Variants in CAPN3 observed in about 807,000 individuals in gnomAD.
CAPN3 encodes calpain-3.
In CAPN3, 88 loss-of-function variants were observed where a neutral mutation model predicts 114.0. That is an observed-to-expected ratio of 0.77 (90% CI 0.65 to 0.92). CAPN3 has a LOEUF of 0.92. Ranked by LOEUF, CAPN3 falls within the 40% of genes least tolerant of loss-of-function variation. The pLI is 0.00. For missense variants in CAPN3, 1,028 were observed against 1,069.0 expected, an observed-to-expected ratio of 0.96 and a Z score of 0.53; for synonymous variants, 386 against 382.9, an observed-to-expected ratio of 1.01 and a Z score of -0.09.
chr15:42,400,708 A>G (rs368720607), intron 10 of CAPN3, among the ~76,000 whole-genome samples: 1 of 151,870 alleles, frequency 6.6e-6, no homozygotes. Flanking sequence ...CACACAAGAG[A>G]AAAATATCAG....
At chr15:42,379,048 G>A (rs954915261) in intron 1 of CAPN3, among the ~76,000 whole-genome samples, 40 of 152,060 alleles carry the variant, frequency 2.6e-4, no homozygotes, top group African/African-American at 8.9e-4. Context: ...ACGCAGTGGC[G>A]CACCCCTATA....
At position 42,399,485 on chromosome 15, in the gene CAPN3, C is replaced by A. The variant is rs756139485; in HGVS notation, c.1194-7C>A. The A allele has an allele frequency of 8.7e-6, 14 of 1,612,426 alleles. 1 individual carries two copies. In the South Asian group the frequency reaches 1.4e-4, roughly 16 times the overall value. ...ATATGGCTCTCTCTCTTCTTCCAACCTCTCAGGATGTCCTATGAGGATTTC... is the reference window on the plus strand; with the variant it reads ...ATATGGCTCTCTCTCTTCTTCCAACATCTCAGGATGTCCTATGAGGATTTC... On this transcript the variant is annotated splice_polypyrimidine_tract_variant and splice_region_variant and intron_variant, in intron 9 of 23. Coordinates refer to ENST00000397163, the MANE Select transcript of CAPN3 (RefSeq NM_000070.3).
At chr15:42,401,486 C>CT (rs2053866010) in intron 10 of CAPN3, among the ~76,000 whole-genome samples, 155 bp from the exon 11 acceptor site, 1 of 115,768 alleles carries the variant, frequency 8.6e-6, no homozygotes, top group African/African-American at 4.0e-5. Flanking sequence ...CCCCCCCCCC[C>CT]CAAATCATTA....
intron 1 of CAPN3, among the ~76,000 whole-genome samples, chr15:42,377,744 A>G (rs1179306437): frequency 6.6e-6 from 1 of 152,170 alleles, no homozygotes; most frequent in Non-Finnish European, 1.5e-5. Flanking sequence ...GAAAATTCAT[A>G]TTATTTCTTC....
Position 42,409,349 on chromosome 15 carries a change from T to C in CAPN3, c.1961T>C (p.Phe654Ser). Residue 654 changes from phenylalanine to serine, a missense_variant, in exon 17 of 24, where the codon TTC becomes TCC. Physicochemically the swap from Phe to Ser is radical, Grantham distance 155 (BLOSUM62 -2). Coordinates refer to ENST00000397163, the MANE Select transcript of CAPN3 (RefSeq NM_000070.3). The part of the protein sequence containing the change: ...SDQESEEQQQ[F>S]RNIFKQIAGD... Reference sequence around the variant, plus strand: ...CAGGAAAGTGAGGAACAGCAACAATTCCGGAACATTTTCAAGCAGATAGCA... The same window carrying C: ...CAGGAAAGTGAGGAACAGCAACAATCCCGGAACATTTTCAAGCAGATAGCA... The C allele has an allele frequency of 6.2e-7, 1 of 1,614,048 alleles. No homozygotes were observed. The highest frequency in any genetic ancestry group is 8.5e-7 in the Non-Finnish European group (1 of 1,180,000).
rs776482274 is a variant in CAPN3 at position 42,410,676 on chromosome 15, A to G, written c.2263+10A>G. 6 of 1,611,358 alleles carry G rather than the reference A, an allele frequency of 3.7e-6. No individual in the cohort carries two copies. Among genetic ancestry groups the G allele is most frequent in the Non-Finnish European group, 4.2e-6 (5 of 1,177,970 alleles). The stretch of plus-strand genomic sequence containing the variant: ...GCAGTCAACGACGCAGGTGCTGAGA[A>G]GGAAGGGGTGGCAGGGATGTGGACC... On this transcript the variant is annotated intron_variant, in intron 21 of 23. Coordinates refer to ENST00000397163, the MANE Select transcript of CAPN3 (RefSeq NM_000070.3).
intron 5 of CAPN3, 151 bp downstream of exon 5, chr15:42,389,247 A>G: frequency 1.4e-6 from 1 of 724,952 alleles, no homozygotes; most frequent in Non-Finnish European, 2.3e-6. Flanking sequence ...AGGACTGGGA[A>G]TTTCTCAAGG....
chr15:42,403,648 C>G (rs1274465087), intron 13 of CAPN3, 93 bp from the exon 14 acceptor site: 1 of 1,209,702 alleles, frequency 8.3e-7, no homozygotes. Flanking sequence ...TCTGGCTTGG[C>G]TGCCAGGAAG....
chr15:42,371,204 G>C (rs1257540392), intron 1 of CAPN3, among the ~76,000 whole-genome samples: 2 of 148,680 alleles, frequency 1.3e-5, no homozygotes, highest in South Asian at 2.1e-4. Context: ...CACGGGGGTA[G>C]GGGGGATGGG....
chr15:42,407,872 T>G (rs1051165396), intron 15 of CAPN3, among the ~76,000 whole-genome samples: 5 of 152,178 alleles, frequency 3.3e-5, no homozygotes, highest in Middle Eastern at 3.4e-3. Flanking sequence ...TGCAGGAAAT[T>G]TAATTTGAAC....
Position 42,360,014 on chromosome 15 carries a change from A to G in CAPN3, c.209A>G (p.Glu70Gly), listed in dbSNP as rs2052597542. 3 of 1,614,234 alleles carry G rather than the reference A, an allele frequency of 1.9e-6. No homozygotes were observed. Among genetic ancestry groups the G allele is most frequent in the Non-Finnish European group, 2.5e-6 (3 of 1,180,034 alleles). ...GAGCAACTTCACAAGAAATGTCTAG[A>G]AAAGAAAGTTCTTTATGTGGACCCT... is the stretch of plus-strand genomic sequence containing the variant. ...TFEQLHKKCL[E>G]KKVLYVDPEF... The change falls in exon 1 of 24, where the codon GAA becomes GGA. Residue 70 changes from glutamate to glycine, a missense_variant. Glu to Gly is a moderately conservative substitution (Grantham distance 98). Coordinates refer to ENST00000397163, the MANE Select transcript of CAPN3 (RefSeq NM_000070.3).
At chr15:42,388,374 G>A (rs1325571188) in intron 4 of CAPN3, among the ~76,000 whole-genome samples, 4 of 152,116 alleles carry the variant, frequency 2.6e-5, no homozygotes, top group Admixed American at 2.0e-4. Context: ...GTGCAGTCAC[G>A]GCTCACTGCA....
chr15:42,406,764 G>A (rs561848509), intron 15 of CAPN3, among the ~76,000 whole-genome samples: 1 of 152,208 alleles, frequency 6.6e-6, no homozygotes, highest in South Asian at 2.1e-4. Flanking sequence ...GCCTGGCAGG[G>A]ATGCTCCATG....
At chr15:42,382,596 T>G (rs370811444) in intron 1 of CAPN3, among the ~76,000 whole-genome samples, 2 of 152,220 alleles carry the variant, frequency 1.3e-5, no homozygotes, top group South Asian at 2.1e-4. Context: ...CTCGAACTCC[T>G]GGCCTCAAAT....
At chr15:42,371,768 A>C (rs2052954224) in intron 1 of CAPN3, among the ~76,000 whole-genome samples, 1 of 152,142 alleles carries the variant, frequency 6.6e-6, no homozygotes, top group African/African-American at 2.4e-5. Context: ...GTTCGAGACC[A>C]GCCCGGCCAA....
At chr15:42,404,839 A>C in intron 14 of CAPN3, 1 of 1,073,612 alleles carries the variant, frequency 9.3e-7, no homozygotes, top group Non-Finnish European at 1.1e-6. Context: ...ACCACAGGCG[A>C]TTGGTTTTAG....
chr15:42,374,183 T>G (rs917961082), intron 1 of CAPN3: 1 of 134,504 alleles, frequency 7.4e-6, no homozygotes, highest in Non-Finnish European at 1.5e-5. Context: ...GTGGAAGAGC[T>G]ATATTAGGCT....
At chr15:42,386,970 A>G (rs2053423060) in intron 3 of CAPN3, among the ~76,000 whole-genome samples, 1 of 152,110 alleles carries the variant, frequency 6.6e-6, no homozygotes, top group Non-Finnish European at 1.5e-5. Flanking sequence ...GATGACCCAC[A>G]TTATCAGTTC....
chr15:42,359,715 C>G lies in CAPN3; in HGVS notation c.-91C>G. On this transcript the variant is annotated 5_prime_UTR_variant, in exon 1 of 24. Coordinates refer to ENST00000397163, the MANE Select transcript of CAPN3 (RefSeq NM_000070.3). ...ACTTTTCTCTCAGATGACAGAATTA[C>G]TCCAACTTCCCCTTTGCAGTTGCTT... The G allele has an allele frequency of 6.3e-7, 1 of 1,596,348 alleles. No homozygotes were observed. Among genetic ancestry groups the G allele is most frequent in the Non-Finnish European group, 8.5e-7 (1 of 1,173,660 alleles).
Sources: allele counts gnomAD v4.1 joint callset (sites outside exome capture counted in the v4.1 genomes callset), GRCh38; gene constraint gnomAD v4.1.1; transcripts MANE v1.5; gene names NCBI Gene and HGNC (gene_info 2026-07-23, HGNC 2026-07-21).